ACVRL1: variants seen among roughly 807,000 people sequenced by gnomAD.
ACVRL1 encodes activin A receptor like type 1, also known as activin receptor type-1-like.
In ACVRL1, 20 loss-of-function variants were observed where a neutral mutation model predicts 51.9. The ratio of observed to expected loss-of-function variants is 0.39; its 90% CI spans 0.27 to 0.56. The LOEUF is 0.56. Among genes scored for constraint, ACVRL1 ranks in the 20% least tolerant of loss-of-function variants. The pLI is 0.67. For missense variants in ACVRL1, 451 were observed against 670.3 expected, an observed-to-expected ratio of 0.67 and a Z score of 3.61; for synonymous variants, 288 against 280.9, an observed-to-expected ratio of 1.03 and a Z score of -0.25.
Position 51,913,124 on chromosome 12 carries a change from C to T in ACVRL1, c.87C>T (p.Gly29=), listed in dbSNP as rs139486404. 1.9e-5 allele frequency: 31 copies of T among 1,605,930 alleles called. No individual in the cohort carries two copies. The highest frequency in any genetic ancestry group is 2.2e-4 in the Middle Eastern group (1 of 4,476). The change falls in exon 3 of 10, where the codon GGC becomes GGT. Residue 29 remains glycine (G), a synonymous_variant. Transcript: ENST00000388922. The part of the protein sequence containing the change: ...TQGDPVKPSR[G]PLVTCTCESP... ...GAGACCCTGTGAAGCCGTCTCGGGG[C>T]CCGCTGGTGACCTGCACGTGTGAGA...
Position 51,920,816 on chromosome 12 carries a change from C to A in ACVRL1, c.1435C>A (p.Arg479=). Residue 479 remains arginine (R), a synonymous_variant, in exon 10 of 10, where the codon CGA becomes AGA. Coordinates refer to ENST00000388922, the MANE Select transcript of ACVRL1 (RefSeq NM_000020.3). ...RECWYPNPSA[R]LTALRIKKTL... is the part of the protein sequence containing the mutation. The stretch of plus-strand genomic sequence containing the variant: ...GTGCTGGTACCCAAACCCCTCTGCC[C>A]GACTCACCGCGCTGCGGATCAAGAA... The A allele has an allele frequency of 6.2e-7, 1 of 1,613,946 alleles. No individual in the cohort carries two copies. Among genetic ancestry groups the A allele is most frequent in the Non-Finnish European group, 8.5e-7 (1 of 1,179,986 alleles).
At chr12:51,915,623 C>A in intron 7 of ACVRL1, 123 bp downstream of exon 7, 2 of 1,315,630 alleles carry the variant, frequency 1.5e-6, no homozygotes, top group South Asian at 1.5e-5. Flanking sequence ...CATGTTGTTT[C>A]AGTTCTCCTC....
At chr12:51,914,350 G>T in intron 5 of ACVRL1, 89 bp from the exon 6 acceptor site, 1 of 1,580,290 alleles carries the variant, frequency 6.3e-7, no homozygotes. Context: ...TGGGGTGGGC[G>T]AGGGAGGCAG....
In ACVRL1 at chr12:51,920,774, G is replaced by T; in HGVS notation, c.1393G>T (p.Ala465Ser). ...LAADPVLSGLAQMMRECWYPN... is the reference protein window; with the variant it reads ...LAADPVLSGLSQMMRECWYPN... The stretch of plus-strand genomic sequence containing the variant: ...CAACCCCCAGGTCCTCTCAGGCCTA[G>T]CTCAGATGATGCGGGAGTGCTGGTA... Residue 465 changes from alanine (A) to serine (S), a missense_variant, in exon 10 of 10, where the codon GCT becomes TCT. This residue lies in a region of ACVRL1 where 259 missense variants were observed against 453.4 expected (regional missense o/e 0.57). Coordinates refer to ENST00000388922, the MANE Select transcript of ACVRL1 (RefSeq NM_000020.3). The T allele has an allele frequency of 6.2e-7, 1 of 1,613,794 alleles. No homozygotes were observed. Among genetic ancestry groups the T allele is most frequent in the Non-Finnish European group, 8.5e-7 (1 of 1,179,990 alleles).
intron 9 of ACVRL1, 174 bp downstream of exon 9, chr12:51,919,289 C>T: frequency 1.1e-6 from 1 of 943,984 alleles, no homozygotes; most frequent in Non-Finnish European, 1.6e-6. Flanking sequence ...TCCCTGCCCC[C>T]AGGGCCATCT....
chr12:51,915,848 C>T, intron 7 of ACVRL1, 188 bp from the exon 8 acceptor site: 1 of 677,834 alleles, frequency 1.5e-6, no homozygotes, highest in South Asian at 1.9e-5. Context: ...ACCTAGAGAG[C>T]ACTACACAAG....
At chr12:51,915,146 A>T (rs969222180) in intron 6 of ACVRL1, 79 bp from the exon 7 acceptor site, 34 of 1,524,398 alleles carry the variant, frequency 2.2e-5, no homozygotes, top group Non-Finnish European at 3.1e-5. Flanking sequence ...CTCTCCCCCA[A>T]CCCCACCCTG....
intron 9 of ACVRL1, 161 bp downstream of exon 9, chr12:51,919,276 T>C: frequency 1.8e-6 from 2 of 1,111,726 alleles, no homozygotes; most frequent in Non-Finnish European, 2.6e-6. Flanking sequence ...CCCTGGCCCA[T>C]GCTCCCTGCC....
intron 9 of ACVRL1, 114 bp downstream of exon 9, chr12:51,919,229 C>A: frequency 6.6e-7 from 1 of 1,505,454 alleles, no homozygotes; most frequent in Non-Finnish European, 9.1e-7. Context: ...ACTGAGTGTC[C>A]TGGTTAGGGC....
Position 51,914,537 on chromosome 12 carries a change from G to C in ACVRL1, c.724G>C (p.Glu242Gln). Reference sequence around the variant, plus strand: ...GAGGGATGAACAGTCCTGGTTCCGGGAGACTGAGATCTATAACACAGTGTT... The same window carrying C: ...GAGGGATGAACAGTCCTGGTTCCGGCAGACTGAGATCTATAACACAGTGTT... ...SSRDEQSWFR[E>Q]TEIYNTVLLR... Residue 242 changes from glutamate to glutamine, a missense_variant, in exon 6 of 10, where the codon GAG becomes CAG. By Grantham distance (29) the Glu-to-Gln change is conservative. Coordinates refer to ENST00000388922, the MANE Select transcript of ACVRL1 (RefSeq NM_000020.3). 6.2e-7 allele frequency: 1 copy of C among 1,614,040 alleles called. No homozygotes were observed. The highest frequency in any genetic ancestry group is 8.5e-7 in the Non-Finnish European group (1 of 1,179,988).
chr12:51,907,313 G>A (rs1343986969), upstream of ACVRL1: 1 of 152,090 alleles, frequency 6.6e-6, no homozygotes, highest in South Asian at 2.1e-4. The surrounding 1 kb of genome is among the most constrained non-coding windows in gnomAD (Gnocchi z 4.5). Context: ...GCGGGCGGCT[G>A]GGAGGGGAGG....
chr12:51,911,533 T>A (rs1940689352), intron 1 of ACVRL1, among the ~76,000 whole-genome samples: 1 of 152,192 alleles, frequency 6.6e-6, no homozygotes, highest in Admixed American at 6.5e-5. Context: ...ACACCTGGCA[T>A]GACCCTGCCC....
chr12:51,916,256 G>A, intron 8 of ACVRL1, 23 bp downstream of exon 8: 2 of 1,611,292 alleles, frequency 1.2e-6, no homozygotes, highest in Non-Finnish European at 8.5e-7. Context: ...CCTACACAGG[G>A]TAGGGAAAGG....
chr12:51,914,332 T>C, intron 5 of ACVRL1, 107 bp from the exon 6 acceptor site: 1 of 1,514,452 alleles, frequency 6.6e-7, no homozygotes, highest in African/African-American at 1.4e-5. Context: ...GGTCTGGGGT[T>C]CTGTGGGTGG....
At position 51,923,182 on chromosome 12, in the gene ACVRL1, T is replaced by C. The variant is rs1181796294; in HGVS notation, c.*2289T>C. ...GACAGGTAGAGAGAAGGGGGCCCAA[T>C]GGCCAGGGAGTGAAGGAGGTGGCGT... On this transcript the variant is annotated 3_prime_UTR_variant, in exon 10 of 10. Coordinates refer to ENST00000388922, the MANE Select transcript of ACVRL1 (RefSeq NM_000020.3). 2.6e-5 allele frequency: 4 copies of C among 152,330 alleles called. No homozygotes were observed. The highest frequency in any genetic ancestry group is 1.9e-4 in the East Asian group (1 of 5,174). 9.4% of individuals were successfully genotyped at this position (152,330 alleles called of 1,614,324 possible). A position where few individuals can be genotyped will look rare whatever the true frequency, so the allele number is the denominator to read the frequency against.
At position 51,921,817 on chromosome 12, in the gene ACVRL1, C is replaced by G. The variant is rs1462411962; in HGVS notation, c.*924C>G. The G allele has an allele frequency of 2.6e-5, 4 of 152,122 alleles. No homozygotes were observed. Among genetic ancestry groups the G allele is most frequent in the African/African-American group, 9.7e-5 (4 of 41,400 alleles). The allele number at this position is 152,122 out of a possible 1,614,324, so 9.4% of individuals were successfully genotyped here. A position where few individuals can be genotyped will look rare whatever the true frequency, so the allele number is the denominator to read the frequency against. On this transcript the variant is annotated 3_prime_UTR_variant, in exon 10 of 10. Coordinates refer to ENST00000388922, the MANE Select transcript of ACVRL1 (RefSeq NM_000020.3). ...GCATGATCCCAGCTCACCGCAACGT[C>G]TACCTCCCAGGTTCAAATCATTCTC...
chr12:51,916,324 G>C (rs1159258173), intron 8 of ACVRL1, 91 bp downstream of exon 8: 2 of 1,438,548 alleles, frequency 1.4e-6, no homozygotes, highest in East Asian at 4.9e-5. Context: ...TGGCCTGGGA[G>C]GTTTGCAGTC....
intron 6 of ACVRL1, 25 bp from the exon 7 acceptor site, chr12:51,915,200 A>G: frequency 1.9e-6 from 3 of 1,613,650 alleles, no homozygotes; most frequent in Non-Finnish European, 2.5e-6. Flanking sequence ...CCCTTGGCTG[A>G]GTCACCCAAC....
intron 5 of ACVRL1, 108 bp from the exon 6 acceptor site, chr12:51,914,331 T>C (rs1004563135): frequency 1.2e-5 from 18 of 1,512,652 alleles, no homozygotes; most frequent in Non-Finnish European, 1.5e-5. Flanking sequence ...GGGTCTGGGG[T>C]TCTGTGGGTG....
Sources: allele counts gnomAD v4.1 joint callset (sites outside exome capture counted in the v4.1 genomes callset), GRCh38; gene constraint gnomAD v4.1.1; regional missense constraint gnomAD v4.1.1; non-coding constraint Gnocchi (gnomAD v3.1); transcripts MANE v1.5; gene names NCBI Gene and HGNC (gene_info 2026-07-23, HGNC 2026-07-21).